AGAP1: variants seen among roughly 807,000 people sequenced by gnomAD.
AGAP1 encodes the protein arf-GAP with GTPase, ANK repeat and PH domain-containing protein 1.
In AGAP1, 29 loss-of-function variants were observed where a neutral mutation model predicts 105.3. That is an observed-to-expected ratio of 0.28 (90% confidence interval 0.21 to 0.38). The LOEUF (loss-of-function observed/expected upper bound fraction) is 0.38, where lower values mean the gene tolerates loss of function less well. Ranked by LOEUF, AGAP1 falls within the 10% of genes least tolerant of loss-of-function variation. The pLI, the probability that AGAP1 is intolerant of heterozygous loss-of-function variation, is 1.00. For missense variants in AGAP1, 998 were observed against 1,165.1 expected (o/e 0.86, Z 2.09); for synonymous variants, 509 against 485.9 (o/e 1.05, Z -0.63).
chr2:235,945,293 G>C (rs947444765), intron 12 of AGAP1, among the ~76,000 whole-genome samples: 2 of 152,058 alleles, frequency 1.3e-5, no homozygotes, highest in Non-Finnish European at 2.9e-5. Context: ...GTAGAGTTGG[G>C]GGGGGGTTCA....
chr2:235,684,234 C>A (rs1350904224), intron 1 of AGAP1, among the ~76,000 whole-genome samples: 3 of 152,066 alleles, frequency 2.0e-5, no homozygotes, highest in African/African-American at 7.2e-5. Context: ...TTAGTAGAGA[C>A]AGGGTTTCAC....
intron 1 of AGAP1, among the ~76,000 whole-genome samples, chr2:235,654,521 C>G (rs535958024): frequency 6.6e-6 from 1 of 152,166 alleles, no homozygotes; most frequent in East Asian, 1.9e-4. Flanking sequence ...GCATTGCTGT[C>G]GCAGTGTAGT....
chr2:236,102,046 C>T (rs1559276872), intron 16 of AGAP1, among the ~76,000 whole-genome samples: 3 of 152,180 alleles, frequency 2.0e-5, no homozygotes, highest in Admixed American at 2.0e-4. Context: ...ATTTGGGAGG[C>T]TGAGGCAGGC....
In AGAP1 at chr2:235,574,995, C is replaced by CACCT. The variant is rs1269851700; in HGVS notation, c.163+80148_163+80151dup. Among the ~76,000 whole-genome samples the CACCT allele has an allele frequency of 1.3e-5, 2 of 152,140 alleles. No homozygotes were observed. The highest frequency in any genetic ancestry group is 4.8e-5 in the African/African-American group (2 of 41,434). ...AAAATCAGCGAGGCATGGAGGCAGACACCTATGGTCCCAGGTACATGGGAG... is the reference window on the plus strand; with the variant it reads ...AAAATCAGCGAGGCATGGAGGCAGACACCTACCTATGGTCCCAGGTACATGGGAG... On this transcript the variant is annotated intron_variant, in intron 1 of 17. Transcript: ENST00000304032. The surrounding 1 kb of genome is among the most constrained non-coding windows in gnomAD (Gnocchi z 5.0).
rs750116191 is a variant in AGAP1 at position 235,959,409 on chromosome 2, G to A, written c.1484-9053G>A. 7.2e-5 allele frequency among the ~76,000 whole-genome samples: 11 copies of A among 152,242 alleles called. No individual in the cohort carries two copies. Among genetic ancestry groups the A allele is most frequent in the Non-Finnish European group, 7.4e-5 (5 of 68,020 alleles). On this transcript the variant is annotated intron_variant, in intron 12 of 17. Coordinates refer to ENST00000304032, the MANE Select transcript of AGAP1 (RefSeq NM_001037131.3). This position sits in a 1 kb window ranked among gnomAD's most constrained non-coding sequence, Gnocchi z 7.3. ...GTGATTGCTCATATTTTAAACCAGG[G>A]GAATGTTAAACAACTCCTTGAAAGC...
chr2:235,937,964 T>A (rs1343062419), intron 12 of AGAP1, among the ~76,000 whole-genome samples: 1 of 152,240 alleles, frequency 6.6e-6, no homozygotes, highest in East Asian at 1.9e-4. Context: ...TGCACAGTAA[T>A]TCAGTAAGAA....
Position 235,599,260 on chromosome 2 carries a change from G to A in AGAP1, c.163+104411G>A, listed in dbSNP as rs529386585. Among the ~76,000 whole-genome samples, 6 of 152,254 alleles carry A rather than the reference G, an allele frequency of 3.9e-5. No individual in the cohort carries two copies. Among genetic ancestry groups the A allele is most frequent in the Non-Finnish European group, 7.3e-5 (5 of 68,030 alleles). On this transcript the variant is annotated intron_variant, in intron 1 of 17. Transcript: ENST00000304032. This position sits in a 1 kb window ranked among gnomAD's most constrained non-coding sequence, Gnocchi z 5.3. ...CAGCTGTTCATTTCGGTGGCCGAGG[G>A]CCTGTGGGCTGCAGTACGTTTACAC...
At chr2:235,933,338 G>A (rs1211239217) in intron 12 of AGAP1, among the ~76,000 whole-genome samples, 2 of 152,144 alleles carry the variant, frequency 1.3e-5, no homozygotes, top group Non-Finnish European at 2.9e-5. Context: ...AAAGGTGATA[G>A]TTGGGGTGCA....
chr2:235,506,017 G>T (rs1026161447), intron 1 of AGAP1, among the ~76,000 whole-genome samples: 1 of 147,514 alleles, frequency 6.8e-6, no homozygotes, highest in Non-Finnish European at 1.5e-5. Context: ...TGCAGCCTTT[G>T]CCTCCCAGGT....
At chr2:235,778,045 C>A (rs1956014811) in intron 6 of AGAP1, among the ~76,000 whole-genome samples, 1 of 152,140 alleles carries the variant, frequency 6.6e-6, no homozygotes, top group African/African-American at 2.4e-5. Context: ...ACATTTCTGG[C>A]CACTGAGACC....
At chr2:236,025,838 G>A (rs376529639) in intron 13 of AGAP1, among the ~76,000 whole-genome samples, 1 of 148,586 alleles carries the variant, frequency 6.7e-6, no homozygotes, top group Admixed American at 6.7e-5. Flanking sequence ...GGAGGCAGAG[G>A]TTGCAGTGAG....
chr2:235,925,699 G>A (rs773820562), intron 11 of AGAP1, among the ~76,000 whole-genome samples: 61 of 152,116 alleles, frequency 4.0e-4, no homozygotes, highest in Non-Finnish European at 4.1e-4. Flanking sequence ...GTTGACTGTC[G>A]GCGGCCACGT....
At chr2:235,594,244 G>A (rs902765662) in intron 1 of AGAP1, among the ~76,000 whole-genome samples, 1 of 151,442 alleles carries the variant, frequency 6.6e-6, no homozygotes, top group Non-Finnish European at 1.5e-5. Context: ...CCCCCTTCTG[G>A]TGACTAGGAA....
rs765881581 is a variant in AGAP1 at position 235,744,795 on chromosome 2, A to G, written c.494A>G (p.Tyr165Cys). The G allele has an allele frequency of 8.7e-6, 14 of 1,613,970 alleles. No individual in the cohort carries two copies. The East Asian group carries it at 2.5e-4, about 28-fold the overall frequency. The change falls in exon 5 of 18, where the codon TAT becomes TGT. Residue 165 changes from tyrosine to cysteine, a missense_variant. Around this residue, in one of 3 missense-constraint regions of AGAP1, gnomAD observed 735 missense variants for 833.4 expected, o/e 0.88. Coordinates refer to ENST00000304032, the MANE Select transcript of AGAP1 (RefSeq NM_001037131.3). This position sits in a 1 kb window ranked among gnomAD's most constrained non-coding sequence, Gnocchi z 5.2. Reference protein sequence around the residue: ...VYHYYSRMANYRNTSEIPLVL... With the variant: ...VYHYYSRMANCRNTSEIPLVL... ...CACTACTACAGTCGAATGGCCAACTATCGGAACACGAGCGAGATTCCTCTG... is the reference window on the plus strand; with the variant it reads ...CACTACTACAGTCGAATGGCCAACTGTCGGAACACGAGCGAGATTCCTCTG...
rs559617556 is a variant in AGAP1 at position 235,744,394 on chromosome 2, G to A, written c.397-304G>A. Among the ~76,000 whole-genome samples the A allele has an allele frequency of 2.0e-5, 3 of 152,278 alleles. No homozygotes were observed. The highest frequency in any genetic ancestry group is 4.8e-5 in the African/African-American group (2 of 41,558). ...GCCTTGGCAGGTCGGGGCAGCGGGC[G>A]GACAGGCCAGGAGCATGAGGACCGC... On this transcript the variant is annotated intron_variant, in intron 4 of 17. Transcript: ENST00000304032. This position sits in a 1 kb window ranked among gnomAD's most constrained non-coding sequence, Gnocchi z 5.2.
intron 9 of AGAP1, among the ~76,000 whole-genome samples, chr2:235,807,599 A>G (rs556380041): frequency 3.0e-4 from 45 of 152,336 alleles, no homozygotes; most frequent in South Asian, 1.4e-3. Flanking sequence ...GAGCTTTCAA[A>G]GGCTGCCTTT....
rs551875722 is a variant in AGAP1, at chr2:235,622,217, A to G, written c.164-86962A>G. Among the ~76,000 whole-genome samples the G allele has an allele frequency of 6.6e-6, 1 of 152,178 alleles. No homozygotes were observed. Among genetic ancestry groups the G allele is most frequent in the Non-Finnish European group, 1.5e-5 (1 of 68,048 alleles). On this transcript the variant is annotated intron_variant, in intron 1 of 17. Coordinates refer to ENST00000304032, the MANE Select transcript of AGAP1 (RefSeq NM_001037131.3). The surrounding 1 kb of genome is among the most constrained non-coding windows in gnomAD (Gnocchi z 5.0). ...CTTCATGCTCTTCCCAATTTTGGGA[A>G]AGGAGCCTTCGTCTTTGCTTCCTAG... is the stretch of plus-strand genomic sequence containing the variant.
At position 236,127,557 on chromosome 2, in the gene AGAP1, G is replaced by C. The variant is rs575444897; in HGVS notation, c.*3435G>C. On this transcript the variant is annotated 3_prime_UTR_variant, in exon 18 of 18. Transcript: ENST00000304032. This position sits in a 1 kb window ranked among gnomAD's most constrained non-coding sequence, Gnocchi z 6.6. ...CTAGTGCACAGGCCAGTTCTCGGCAGTGGCTTTTCAGCACAAGGGCCTTGC... is the reference window on the plus strand; with the variant it reads ...CTAGTGCACAGGCCAGTTCTCGGCACTGGCTTTTCAGCACAAGGGCCTTGC... 6 of 152,256 alleles carry C rather than the reference G, an allele frequency of 3.9e-5. No individual in the cohort carries two copies. Among genetic ancestry groups the C allele is most frequent in the Admixed American group, 1.3e-4 (2 of 15,290 alleles). 9.4% of individuals were successfully genotyped at this position (152,256 alleles called of 1,614,324 possible).
intron 16 of AGAP1, among the ~76,000 whole-genome samples, chr2:236,112,610 G>A (rs1197658961): frequency 6.6e-6 from 1 of 152,212 alleles, no homozygotes; most frequent in Non-Finnish European, 1.5e-5. Flanking sequence ...TCTGTTCACA[G>A]GTGCTGGGAG....
Sources: gnomAD v4.1 joint callset for allele counts (sites outside exome capture counted in the v4.1 genomes callset) on GRCh38, gnomAD v4.1.1 for gene constraint, gnomAD v4.1.1 regional missense constraint, Gnocchi (gnomAD v3.1) non-coding constraint, MANE v1.5 for transcripts, NCBI Gene and HGNC (gene_info 2026-07-23, HGNC 2026-07-21) for gene names.